The following RANGAP1 variants were observed in gnomAD, a reference collection of about 807,000 sequenced individuals.
RANGAP1 encodes the protein Ran GTPase activating protein 1.
RANGAP1 carries 38 observed loss-of-function variants against 63.5 expected under a neutral mutation model. The observed-to-expected ratio is 0.60, with a 90% confidence interval of 0.46 to 0.78. The LOEUF (loss-of-function observed/expected upper bound fraction) is 0.78. RANGAP1 is among the 30% of genes least tolerant of loss of function. RANGAP1 has a pLI of 0.00. For missense variants in RANGAP1, 630 were observed against 740.3 expected, an observed-to-expected ratio of 0.85 and a Z score of 1.73; for synonymous variants, 329 against 310.5, an observed-to-expected ratio of 1.06 and a Z score of -0.63.
Position 41,246,331 on chromosome 22 carries a change from A to C in RANGAP1, c.*272T>G, listed in dbSNP as rs1301357380. 2 of 342,840 alleles carry C rather than the reference A, an allele frequency of 5.8e-6. No individual in the cohort carries two copies. Among genetic ancestry groups the C allele is most frequent in the East Asian group, 1.2e-4 (2 of 16,478 alleles). The allele number at this position is 342,840 out of a possible 1,614,324, so 21.2% of individuals were successfully genotyped here. ...GGTGAGTTTAATGGCGGAGCAGCTCACAGCCCTTTCCCCTGGGGGCCAACT... is the reference window on the plus strand; with the variant it reads ...GGTGAGTTTAATGGCGGAGCAGCTCCCAGCCCTTTCCCCTGGGGGCCAACT... On this transcript the variant is annotated 3_prime_UTR_variant, in exon 16 of 16. Coordinates refer to ENST00000356244, the MANE Select transcript of RANGAP1 (RefSeq NM_002883.4).
At chr22:41,271,810 A>C (rs564107374) in intron 3 of RANGAP1, among the ~76,000 whole-genome samples, 22 of 152,108 alleles carry the variant, frequency 1.4e-4, no homozygotes, top group Middle Eastern at 3.4e-3. Context: ...TCACTTGCAC[A>C]CTGCTGCAGC....
the RANGAP1 span, among the ~76,000 whole-genome samples, chr22:41,292,478 T>A: frequency 3.4e-5 from 5 of 148,810 alleles, no homozygotes; most frequent in African/African-American, 1.2e-4. Context: ...AATCCTCTTG[T>A]GGCCGGGTGC....
intron 10 of RANGAP1, among the ~76,000 whole-genome samples, chr22:41,255,731 G>A (rs2033788043): frequency 1.3e-5 from 2 of 152,006 alleles, no homozygotes; most frequent in Admixed American, 1.3e-4. Flanking sequence ...TAGCCCTGAT[G>A]CCTAGTGTAT....
Position 41,252,966 on chromosome 22 carries a change from G to T in RANGAP1, c.1286C>A (p.Pro429Gln), listed in dbSNP as rs2033573032. The change falls in exon 12 of 16, where the codon CCA (proline) becomes CAA (glutamine). Residue 429 changes from proline (P) to glutamine (Q), a missense_variant. Physicochemically the swap from Pro to Gln is moderately conservative, Grantham distance 76. Transcript: ENST00000356244. The stretch of plus-strand genomic sequence containing the variant: ...GAAGGTGGAGACGTCTGCAGGAGGT[G>T]GGGAGGACAGCACGGGAGCTGGCTC... ...TGEPAPVLSS[P>Q]PPADVSTFLA... 2 of 1,533,330 alleles carry T rather than the reference G, an allele frequency of 1.3e-6. No homozygotes were observed. Among genetic ancestry groups the T allele is most frequent in the African/African-American group, 2.9e-5 (2 of 69,576 alleles). 95.0% of individuals were successfully genotyped at this position (1,533,330 alleles called of 1,614,324 possible). A position where few individuals can be genotyped will look rare whatever the true frequency, so the allele number is the denominator to read the frequency against.
chr22:41,260,142 A>G (rs1211036731), intron 6 of RANGAP1, among the ~76,000 whole-genome samples: 1 of 152,150 alleles, frequency 6.6e-6, no homozygotes, highest in Non-Finnish European at 1.5e-5. Context: ...TTTTAGCTAC[A>G]TTAGTAATAA....
chr22:41,249,613 C>A (rs1236245475), intron 14 of RANGAP1, 116 bp downstream of exon 14: 1 of 1,524,778 alleles, frequency 6.6e-7, no homozygotes, highest in East Asian at 2.3e-5. Context: ...CTCGGGGCCC[C>A]GTGGGCGAGC....
At chr22:41,254,853 T>C (rs1251960980) in intron 10 of RANGAP1, among the ~76,000 whole-genome samples, 1 of 151,756 alleles carries the variant, frequency 6.6e-6, no homozygotes, top group Non-Finnish European at 1.5e-5. Flanking sequence ...GCGCCTGTGG[T>C]CCCAGCTACT....
At chr22:41,265,998 C>G (rs369632703) in intron 4 of RANGAP1, among the ~76,000 whole-genome samples, 2 of 151,948 alleles carry the variant, frequency 1.3e-5, no homozygotes, top group East Asian at 1.9e-4. Flanking sequence ...GTCGGGAGAT[C>G]GAGACCATCC....
In RANGAP1 at chr22:41,256,646, G is replaced by A. The variant is rs1027591747; in HGVS notation, c.888+65C>T. On this transcript the variant is annotated intron_variant, in intron 8 of 15. Coordinates refer to ENST00000356244, the MANE Select transcript of RANGAP1 (RefSeq NM_002883.4). ...CCACCTGCCTTCAGACCAGACCCCT[G>A]TGCCCCCAGCCGCCCCACCACCCAC... is the stretch of plus-strand genomic sequence containing the variant. 9.1e-6 allele frequency: 13 copies of A among 1,429,740 alleles called. No individual in the cohort carries two copies. The African/African-American group carries it at 1.5e-4, about 17-fold the overall frequency. 88.6% of individuals were successfully genotyped at this position (1,429,740 alleles called of 1,614,324 possible). A position where few individuals can be genotyped will look rare whatever the true frequency, so the allele number is the denominator to read the frequency against.
rs145241635 is a variant in RANGAP1, at chr22:41,258,104, G to A, written c.618C>T (p.Val206=). The change falls in exon 7 of 16, where the codon GTC becomes GTT. Residue 206 remains valine (V), a splice_region_variant and synonymous_variant. Coordinates refer to ENST00000356244, the MANE Select transcript of RANGAP1 (RefSeq NM_002883.4). The part of the protein sequence containing the change: ...GATALAEAFR[V]IGTLEEVHMP... ...TGTGGACCTCCTCCAGGGTCCCGAT[G>A]ACCTGTGAAGAGGAGGCAGAGAGTG... 5.1e-5 allele frequency: 81 copies of A among 1,600,822 alleles called. No homozygotes were observed. In the African/African-American group the frequency reaches 1.0e-3, roughly 20 times the overall value.
rs949061779 is a variant in RANGAP1 at position 41,257,023 on chromosome 22, G to A, written c.775-199C>T. 3.9e-5 allele frequency among the ~76,000 whole-genome samples: 6 copies of A among 151,910 alleles called. No individual in the cohort carries two copies. Among genetic ancestry groups the A allele is most frequent in the South Asian group, 4.2e-4 (2 of 4,794 alleles). On this transcript the variant is annotated intron_variant, in intron 7 of 15. Coordinates refer to ENST00000356244, the MANE Select transcript of RANGAP1 (RefSeq NM_002883.4). The surrounding 1 kb of genome is among the most constrained non-coding windows in gnomAD (Gnocchi z 4.0). ...CCTCCTCCACCCCTCCCCATGTTACGGCCAGAACTCTTCCTGAGACCAACC... is the reference window on the plus strand; with the variant it reads ...CCTCCTCCACCCCTCCCCATGTTACAGCCAGAACTCTTCCTGAGACCAACC...
At chr22:41,281,832 AG>A (rs1443149122) in intron 1 of RANGAP1, 1 of 180,206 alleles carries the variant, frequency 5.5e-6, no homozygotes, top group Non-Finnish European at 1.1e-5. Flanking sequence ...TGGTAAAAGA[AG>A]TAAAGCTGGC....
rs1446025789 is a variant in RANGAP1, at chr22:41,257,002, C to T, written c.775-178G>A. On this transcript the variant is annotated intron_variant, in intron 7 of 15. Transcript: ENST00000356244. The surrounding 1 kb of genome is among the most constrained non-coding windows in gnomAD (Gnocchi z 4.0). ...GCCTCTGGGCCCCTGGCCAAACCTC[C>T]TCCACCCCTCCCCATGTTACGGCCA... Among the ~76,000 whole-genome samples, 1 of 151,858 alleles carries T rather than the reference C, an allele frequency of 6.6e-6. No homozygotes were observed. The highest frequency in any genetic ancestry group is 2.4e-5 in the African/African-American group (1 of 41,306).
At chr22:41,273,766 C>CA (rs71200678) in intron 3 of RANGAP1, among the ~76,000 whole-genome samples, 8,045 of 24,234 alleles carry the variant, frequency 0.33, 2,680 homozygotes, top group East Asian at 0.64. Context: ...GACTCCATCT[C>CA]AAAAAAAAAA....
In RANGAP1 at chr22:41,257,851, G is replaced by T; in HGVS notation, c.774+97C>A. The T allele has an allele frequency of 7.2e-7, 1 of 1,390,644 alleles. No individual in the cohort carries two copies. The highest frequency in any genetic ancestry group is 1.4e-5 in the South Asian group (1 of 72,724). The allele number at this position is 1,390,644 out of a possible 1,614,324, so 86.1% of individuals were successfully genotyped here. On this transcript the variant is annotated intron_variant, in intron 7 of 15. Coordinates refer to ENST00000356244, the MANE Select transcript of RANGAP1 (RefSeq NM_002883.4). The surrounding 1 kb of genome is among the most constrained non-coding windows in gnomAD (Gnocchi z 4.0). ...ACACCCAGGGGGCAGGCAGGGGGTAGAGGAGTCCCTGCTAAACGGAGCCCC... is the reference window on the plus strand; with the variant it reads ...ACACCCAGGGGGCAGGCAGGGGGTATAGGAGTCCCTGCTAAACGGAGCCCC...
At chr22:41,278,521 T>A (rs2145835533) in intron 2 of RANGAP1, among the ~76,000 whole-genome samples, 1 of 152,332 alleles carries the variant, frequency 6.6e-6, no homozygotes, top group East Asian at 1.9e-4. Context: ...TGACACGGTG[T>A]TCAATAAATG....
chr22:41,264,587 C>T (rs1456090255), intron 5 of RANGAP1, 77 bp downstream of exon 5: 3 of 1,476,042 alleles, frequency 2.0e-6, no homozygotes, highest in Non-Finnish European at 2.7e-6. Flanking sequence ...ATGGTGGTGG[C>T]CAAGGGCCAG....
In RANGAP1 at chr22:41,274,745, G is replaced by A; in HGVS notation, c.113-18C>T. ...ATCTTTAGCTGCCAGGGACCAAAGAGCAGAACCTTAGGCTTTTGGAATCAC... is the reference window on the plus strand; with the variant it reads ...ATCTTTAGCTGCCAGGGACCAAAGAACAGAACCTTAGGCTTTTGGAATCAC... On this transcript the variant is annotated intron_variant, in intron 2 of 15. Transcript: ENST00000356244. 6.2e-7 allele frequency: 1 copy of A among 1,613,618 alleles called. No individual in the cohort carries two copies.
At chr22:41,256,891 G>A in intron 7 of RANGAP1, 67 bp from the exon 8 acceptor site, 1 of 1,338,012 alleles carries the variant, frequency 7.5e-7, no homozygotes, top group Admixed American at 1.9e-5. Context: ...GCAAGCCCCG[G>A]GGGCCCCACA....
Sources: gnomAD v4.1 joint callset for allele counts (sites outside exome capture counted in the v4.1 genomes callset) on GRCh38, gnomAD v4.1.1 for gene constraint, Gnocchi (gnomAD v3.1) non-coding constraint, MANE v1.5 for transcripts, NCBI Gene and HGNC (gene_info 2026-07-23, HGNC 2026-07-21) for gene names.